The following WDFY4 variants were observed in gnomAD, a reference collection of about 807,000 sequenced individuals.
WDFY4 encodes the protein WD repeat- and FYVE domain-containing protein 4.
In WDFY4, 169 loss-of-function variants were observed where a neutral mutation model predicts 351.9. The ratio of observed to expected loss-of-function variants is 0.48; its 90% CI spans 0.42 to 0.55. WDFY4 has a LOEUF of 0.55. Among genes scored for constraint, WDFY4 ranks in the 20% least tolerant of loss-of-function variants. The pLI is 0.00. For missense variants in WDFY4, 3,803 were observed against 3,935.6 expected, an observed-to-expected ratio of 0.97 and a Z score of 0.90; for synonymous variants, 1,622 against 1,574.6, an observed-to-expected ratio of 1.03 and a Z score of -0.71.
At chr10:48,914,130 T>A (rs755944332) in intron 47 of WDFY4, 1 of 1,614,062 alleles carries the variant, frequency 6.2e-7, no homozygotes, top group Non-Finnish European at 8.5e-7. Flanking sequence ...CTTCTTGCCC[T>A]TGGGGCCTTT....
At chr10:48,779,686 T>C (rs1440825386) in intron 18 of WDFY4, among the ~76,000 whole-genome samples, 6 of 152,210 alleles carry the variant, frequency 3.9e-5, no homozygotes. Flanking sequence ...ATTGGGCATG[T>C]ATGAGCGCCT....
chr10:48,726,464 GC>G (rs2132308836), intron 6 of WDFY4, among the ~76,000 whole-genome samples: 1 of 152,274 alleles, frequency 6.6e-6, no homozygotes, highest in African/African-American at 2.4e-5. Context: ...ATTTTTCAAG[GC>G]TATTCACCTA....
At chr10:48,704,544 C>T (rs1037328299) in intron 1 of WDFY4, among the ~76,000 whole-genome samples, 1 of 152,222 alleles carries the variant, frequency 6.6e-6, no homozygotes, top group Non-Finnish European at 1.5e-5. Flanking sequence ...CCCCTAAAAG[C>T]CCACCTGTCC....
intron 13 of WDFY4, 137 bp downstream of exon 13, chr10:48,760,577 C>T (rs151283540): frequency 7.3e-6 from 6 of 818,736 alleles, no homozygotes; most frequent in African/African-American, 1.7e-5. Flanking sequence ...ATGGGAAACA[C>T]CTATAGTGGG....
At chr10:48,906,271 A>G (rs1459140933) in intron 47 of WDFY4, among the ~76,000 whole-genome samples, 1 of 152,156 alleles carries the variant, frequency 6.6e-6, no homozygotes, top group Non-Finnish European at 1.5e-5. Context: ...TTGATGACTC[A>G]TGTGGCTCCT....
Position 48,821,162 on chromosome 10 carries a change from C to T in WDFY4, c.5810C>T (p.Ala1937Val). The T allele has an allele frequency of 6.4e-7, 1 of 1,551,466 alleles. No homozygotes were observed. The highest frequency in any genetic ancestry group is 8.7e-7 in the Non-Finnish European group (1 of 1,146,770). ...TTCCACATGACAAGTGGAGGTGATG[C>T]AGCGATGTTCAGAGGTGAGTGGGGC... is the stretch of plus-strand genomic sequence containing the variant. Reference protein sequence around the residue: ...ELFHMTSGGDAAMFRDGKEPQ... With the variant: ...ELFHMTSGGDVAMFRDGKEPQ... Residue 1937 changes from alanine (A) to valine (V), a missense_variant, in exon 34 of 62, where the codon GCA becomes GTA. Transcript: ENST00000325239.
intron 47 of WDFY4, among the ~76,000 whole-genome samples, chr10:48,903,315 T>G (rs1837454803): frequency 6.6e-6 from 1 of 152,156 alleles, no homozygotes; most frequent in African/African-American, 2.4e-5. Context: ...TGGAGGATTT[T>G]AAGCAGAGGG....
At chr10:48,710,945 T>C (rs1042862888) in intron 2 of WDFY4, among the ~76,000 whole-genome samples, 1 of 152,222 alleles carries the variant, frequency 6.6e-6, no homozygotes, top group Non-Finnish European at 1.5e-5. Context: ...AAAGCACTTT[T>C]TATAAGGACT....
intron 60 of WDFY4, chr10:48,979,633 G>A (rs1216321151): frequency 1.3e-5 from 2 of 152,074 alleles, no homozygotes; most frequent in African/African-American, 4.8e-5. Context: ...ACGGGTGGAT[G>A]GATGGATGGA....
At chr10:48,805,490 C>T in intron 26 of WDFY4, 69 bp downstream of exon 26, 1 of 1,496,040 alleles carries the variant, frequency 6.7e-7, no homozygotes, top group South Asian at 1.3e-5. Context: ...GGACAGACCC[C>T]AGCTCTCTCC....
chr10:48,721,376 C>G lies in WDFY4; in HGVS notation c.456+9C>G, dbSNP rs1419850048. On this transcript the variant is annotated intron_variant, in intron 4 of 61. Coordinates refer to ENST00000325239, the MANE Select transcript of WDFY4 (RefSeq NM_001394531.1). ...TCACGGGGACAGACTCGGTAAGTTT[C>G]AGACCATCAGCCTCTGCCCTGGGCA... The G allele has an allele frequency of 6.4e-7, 1 of 1,551,402 alleles. No individual in the cohort carries two copies. Among genetic ancestry groups the G allele is most frequent in the Admixed American group, 2.0e-5 (1 of 51,008 alleles).
chr10:48,800,733 T>TC (rs758793039), intron 24 of WDFY4, among the ~76,000 whole-genome samples: 17 of 145,708 alleles, frequency 1.2e-4, no homozygotes, highest in East Asian at 6.0e-4. Flanking sequence ...ATTCTTTCTT[T>TC]TTTTTTTTTT....
intron 12 of WDFY4, among the ~76,000 whole-genome samples, chr10:48,756,130 TTAAC>T (rs2065328723): frequency 6.6e-6 from 1 of 152,072 alleles, no homozygotes; most frequent in Non-Finnish European, 1.5e-5. Flanking sequence ...AATTGACAAT[TTAAC>T]TATAGTAAAT....
chr10:48,970,480 C>T (rs896785620), intron 57 of WDFY4, among the ~76,000 whole-genome samples, 191 bp downstream of exon 57: 6 of 152,184 alleles, frequency 3.9e-5, no homozygotes, highest in African/African-American at 1.4e-4. Context: ...GCCCACAGCT[C>T]AGTGTCATTC....
chr10:48,835,019 G>T (rs528995271), intron 39 of WDFY4, among the ~76,000 whole-genome samples: 1 of 152,290 alleles, frequency 6.6e-6, no homozygotes, highest in South Asian at 2.1e-4. Context: ...TTGGGTGAGG[G>T]CAGGCTGCTG....
intron 51 of WDFY4, among the ~76,000 whole-genome samples, chr10:48,947,412 G>A (rs1419377696): frequency 2.0e-5 from 3 of 152,170 alleles, no homozygotes; most frequent in East Asian, 3.8e-4. Context: ...AGGCTTCGAA[G>A]GACAAAACCA....
chr10:48,830,846 T>C lies in WDFY4; in HGVS notation c.6487T>C (p.Trp2163Arg), dbSNP rs1034352525. The C allele has an allele frequency of 1.3e-6, 2 of 1,551,512 alleles. No homozygotes were observed. Among genetic ancestry groups the C allele is most frequent in the Non-Finnish European group, 1.7e-6 (2 of 1,146,960 alleles). The change falls in exon 38 of 62, where the codon TGG (tryptophan) becomes CGG (arginine). Residue 2163 changes from tryptophan to arginine, a missense_variant. Trp to Arg is a moderately radical substitution (Grantham distance 101). Transcript: ENST00000325239. ...GAAGATTGAAGAGGTCACACCGCTCTGGGAGGAGACGATGCTCAAGGCCTG... is the reference window on the plus strand; with the variant it reads ...GAAGATTGAAGAGGTCACACCGCTCCGGGAGGAGACGATGCTCAAGGCCTG... ...EVKIEEVTPL[W>R]EETMLKAWQH... is the part of the protein sequence containing the mutation.
intron 39 of WDFY4, among the ~76,000 whole-genome samples, chr10:48,859,032 A>G (rs2069242773): frequency 6.6e-6 from 1 of 152,244 alleles, no homozygotes; most frequent in East Asian, 1.9e-4. Context: ...TACAGTTATT[A>G]TGTGTGTGTT....
chr10:48,913,051 A>G (rs939631430), intron 47 of WDFY4, among the ~76,000 whole-genome samples: 1 of 152,150 alleles, frequency 6.6e-6, no homozygotes, highest in South Asian at 2.1e-4. Context: ...TGCCAGTGAT[A>G]GTGAGTGTGT....
Sources: gnomAD v4.1 joint callset for allele counts (sites outside exome capture counted in the v4.1 genomes callset) on GRCh38, gnomAD v4.1.1 for gene constraint, MANE v1.5 for transcripts, NCBI Gene and HGNC (gene_info 2026-07-23, HGNC 2026-07-21) for gene names.